Variants in NOS1AP observed in about 807,000 individuals in gnomAD.
The protein encoded by NOS1AP is nitric oxide synthase 1 adaptor protein.
A neutral mutation model predicts 56.2 loss-of-function variants in NOS1AP; 21 were observed. The observed-to-expected ratio is 0.37, with a 90% CI of 0.26 to 0.54. The LOEUF (loss-of-function observed/expected upper bound fraction) is 0.54, where lower values mean the gene tolerates loss of function less well. Ranked by LOEUF, NOS1AP falls within the 20% of genes least tolerant of loss-of-function variation. The pLI is 0.84. For synonymous variants in NOS1AP, 270 were observed against 274.6 expected, an observed-to-expected ratio of 0.98 and a Z score of 0.17; for missense variants, 522 against 657.8, an observed-to-expected ratio of 0.79 and a Z score of 2.26.
At chr1:162,091,164 T>C (rs1692121074) in intron 1 of NOS1AP, among the ~76,000 whole-genome samples, 1 of 152,192 alleles carries the variant, frequency 6.6e-6, no homozygotes, top group South Asian at 2.1e-4. Context: ...TCCTGCTTCA[T>C]TTTGATTCTG....
intron 1 of NOS1AP, among the ~76,000 whole-genome samples, chr1:162,150,341 C>A (rs980589676): frequency 6.6e-6 from 1 of 152,170 alleles, no homozygotes; most frequent in Non-Finnish European, 1.5e-5. Context: ...TTCCATTTTA[C>A]TGCATTTTCT....
intron 2 of NOS1AP, among the ~76,000 whole-genome samples, chr1:162,276,000 C>CT (rs531382776): frequency 1.4e-3 from 208 of 152,344 alleles, no homozygotes; most frequent in Non-Finnish European, 2.3e-3. Context: ...TGGAACATAG[C>CT]TGCACTCATT....
At chr1:162,128,984 C>T (rs761545129) in intron 1 of NOS1AP, among the ~76,000 whole-genome samples, 13 of 152,116 alleles carry the variant, frequency 8.5e-5, no homozygotes, top group Admixed American at 3.3e-4. Flanking sequence ...TCTCATTAGG[C>T]GCTGATAACC....
At chr1:162,112,608 G>C (rs189707559) in intron 1 of NOS1AP, among the ~76,000 whole-genome samples, 1 of 152,324 alleles carries the variant, frequency 6.6e-6, no homozygotes, top group East Asian at 1.9e-4. Context: ...GACAGGCTCT[G>C]ACTTCTCAGA....
chr1:162,339,865 C>T (rs1657053534), intron 5 of NOS1AP, among the ~76,000 whole-genome samples: 1 of 152,202 alleles, frequency 6.6e-6, no homozygotes, highest in Admixed American at 6.5e-5. Context: ...GCACAGGCTG[C>T]CTCTACTGAC....
chr1:162,172,297 G>T (rs1571095425), intron 2 of NOS1AP, among the ~76,000 whole-genome samples: 1 of 152,352 alleles, frequency 6.6e-6, no homozygotes, highest in Non-Finnish European at 1.5e-5. Context: ...GGGTGGTAGG[G>T]TAGCTGTAGC....
intron 2 of NOS1AP, among the ~76,000 whole-genome samples, chr1:162,232,758 TTATTATGTACC>T (rs68111337): frequency 0.27 from 41,714 of 151,714 alleles, 5,900 homozygotes; most frequent in East Asian, 0.39. Context: ...GTTATTTGCT[TTATTATGTACC>T]TATTATGTAC....
At chr1:162,219,011 T>TGCA (rs891416992) in intron 2 of NOS1AP, among the ~76,000 whole-genome samples, 3 of 151,610 alleles carry the variant, frequency 2.0e-5, no homozygotes, top group Admixed American at 6.6e-5. Context: ...AGGCCTCAGG[T>TGCA]GCAGCAGCAG....
chr1:162,121,408 C>T (rs1269360979), intron 1 of NOS1AP, among the ~76,000 whole-genome samples: 1 of 151,984 alleles, frequency 6.6e-6, no homozygotes, highest in Non-Finnish European at 1.5e-5. Flanking sequence ...TGTGAGTCAC[C>T]GTGCCCGGCC....
rs774782052 is a variant in NOS1AP, at chr1:162,070,161, G to A, written c.-17G>A. 4.4e-6 allele frequency: 7 copies of A among 1,608,002 alleles called. No individual in the cohort carries two copies. Among genetic ancestry groups the A allele is most frequent in the Non-Finnish European group, 6.0e-6 (7 of 1,174,728 alleles). On this transcript the variant is annotated 5_prime_UTR_variant, in exon 1 of 10. Coordinates refer to ENST00000361897, the MANE Select transcript of NOS1AP (RefSeq NM_014697.3). ...GCAGCCGCCGCCTCCGAAGGAGCGGGTCCGCCGCGGGTAACCATGCCTAGC... is the reference window on the plus strand; with the variant it reads ...GCAGCCGCCGCCTCCGAAGGAGCGGATCCGCCGCGGGTAACCATGCCTAGC...
At chr1:162,103,719 A>G (rs187321113) in intron 1 of NOS1AP, among the ~76,000 whole-genome samples, 12 of 152,256 alleles carry the variant, frequency 7.9e-5, no homozygotes, top group African/African-American at 2.9e-4. Context: ...TTGTTGCTTT[A>G]AAGTCTGTTT....
intron 4 of NOS1AP, among the ~76,000 whole-genome samples, chr1:162,314,156 C>G (rs996772871): frequency 1.3e-5 from 2 of 152,208 alleles, no homozygotes; most frequent in Admixed American, 1.3e-4. Context: ...TTGCATAACC[C>G]TTTTGTATCT....
chr1:162,092,846 A>G (rs920037110), intron 1 of NOS1AP, among the ~76,000 whole-genome samples: 1 of 152,184 alleles, frequency 6.6e-6, no homozygotes, highest in African/African-American at 2.4e-5. Flanking sequence ...CCAAGCCCTT[A>G]TTCTTCTTTA....
At chr1:162,319,603 C>G (rs1656347537) in intron 4 of NOS1AP, among the ~76,000 whole-genome samples, 1 of 152,146 alleles carries the variant, frequency 6.6e-6, no homozygotes, top group Admixed American at 6.5e-5. Context: ...AAGGGCTCTC[C>G]CTGCTCTTCT....
intron 1 of NOS1AP, among the ~76,000 whole-genome samples, chr1:162,084,302 G>A (rs1180553272): frequency 6.6e-6 from 1 of 152,158 alleles, no homozygotes; most frequent in South Asian, 2.1e-4. Flanking sequence ...TAGATCTCCT[G>A]TTCTAGCAGG....
intron 3 of NOS1AP, among the ~76,000 whole-genome samples, chr1:162,290,835 C>T (rs1479955317): frequency 2.6e-5 from 4 of 152,196 alleles, no homozygotes. Flanking sequence ...CTCTACCCTT[C>T]TTGGCCTGTG....
Position 162,367,675 on chromosome 1 carries a change from C to G in NOS1AP, c.*208C>G. On this transcript the variant is annotated 3_prime_UTR_variant, in exon 10 of 10. Coordinates refer to ENST00000361897, the MANE Select transcript of NOS1AP (RefSeq NM_014697.3). The surrounding 1 kb of genome is among the most constrained non-coding windows in gnomAD (Gnocchi z 6.5). Reference sequence around the variant, plus strand: ...TCGGATTCCCAGAGGTGAATCAGCTCCTCTCCTACTTGTGACTAGAGGGTG... The same window carrying G: ...TCGGATTCCCAGAGGTGAATCAGCTGCTCTCCTACTTGTGACTAGAGGGTG... The G allele has an allele frequency of 1.6e-6, 1 of 612,378 alleles. No homozygotes were observed. Among genetic ancestry groups the G allele is most frequent in the East Asian group, 2.8e-5 (1 of 35,232 alleles). 37.9% of individuals were successfully genotyped at this position (612,378 alleles called of 1,614,324 possible).
chr1:162,079,680 GAC>G (rs1381958398), intron 1 of NOS1AP, among the ~76,000 whole-genome samples: 4 of 152,222 alleles, frequency 2.6e-5, no homozygotes, highest in African/African-American at 9.6e-5. Context: ...CACCGTGCAT[GAC>G]ACAGAGTTGG....
At chr1:162,131,873 TG>T (rs1278128575) in intron 1 of NOS1AP, among the ~76,000 whole-genome samples, 1 of 152,210 alleles carries the variant, frequency 6.6e-6, no homozygotes, top group Non-Finnish European at 1.5e-5. Flanking sequence ...TGTCAAACTT[TG>T]GGCAAGTATC....
Sources: gnomAD v4.1 joint callset for allele counts (sites outside exome capture counted in the v4.1 genomes callset) on GRCh38, gnomAD v4.1.1 for gene constraint, Gnocchi (gnomAD v3.1) non-coding constraint, MANE v1.5 for transcripts, NCBI Gene and HGNC (gene_info 2026-07-23, HGNC 2026-07-21) for gene names.